Variants in GPR149 observed in about 807,000 individuals in gnomAD.
GPR149 encodes G protein-coupled receptor 149.
Under a neutral mutation model 50.2 loss-of-function variants are expected in GPR149, and 50 were observed. That is an observed-to-expected ratio of 1.00 (90% confidence interval 0.79 to 1.26). The LOEUF (loss-of-function observed/expected upper bound fraction) is 1.26. Ranked by LOEUF, GPR149 falls within the 50% of genes most tolerant of loss-of-function variation. The pLI is 0.00. For missense variants in GPR149, 983 were observed against 895.4 expected, an observed-to-expected ratio of 1.10 and a Z score of -1.25; for synonymous variants, 405 against 358.2, an observed-to-expected ratio of 1.13 and a Z score of -1.48.
intron 3 of GPR149, among the ~76,000 whole-genome samples, chr3:154,419,601 A>T (rs1316443082): frequency 6.6e-6 from 1 of 152,066 alleles, no homozygotes; most frequent in East Asian, 1.9e-4. Flanking sequence ...ATACAACAAA[A>T]AATATGAGTA....
At chr3:154,383,371 A>C (rs1280146208) in intron 3 of GPR149, among the ~76,000 whole-genome samples, 2 of 152,172 alleles carry the variant, frequency 1.3e-5, no homozygotes, top group African/African-American at 4.8e-5. Context: ...AAATGATTCA[A>C]GTTAGGTTTG....
chr3:154,372,533 T>C (rs1241851270), intron 3 of GPR149, among the ~76,000 whole-genome samples: 1 of 152,178 alleles, frequency 6.6e-6, no homozygotes, highest in African/African-American at 2.4e-5. Context: ...AAAGTAGATA[T>C]ACCAATATCT....
chr3:154,420,150 G>T (rs568431439), intron 3 of GPR149, among the ~76,000 whole-genome samples: 4 of 151,930 alleles, frequency 2.6e-5, no homozygotes, highest in African/African-American at 9.7e-5. Flanking sequence ...TCCTAGCAGT[G>T]TATTTATTTC....
intron 2 of GPR149, among the ~76,000 whole-genome samples, chr3:154,425,061 AAACAAC>A (rs985018214): frequency 1.3e-5 from 2 of 151,944 alleles, no homozygotes; most frequent in South Asian, 2.1e-4. Context: ...AAACAAAACA[AAACAAC>A]AACAACAACA....
At chr3:154,428,569 G>T in intron 1 of GPR149, 66 bp downstream of exon 1, 8 of 1,514,560 alleles carry the variant, frequency 5.3e-6, no homozygotes, top group South Asian at 2.6e-5. Context: ...CGGCGACGCC[G>T]GTCCCAACAC....
chr3:154,388,011 T>A (rs962996838), intron 3 of GPR149, among the ~76,000 whole-genome samples: 2 of 152,160 alleles, frequency 1.3e-5, no homozygotes, highest in Admixed American at 1.3e-4. Flanking sequence ...TGCCTCAATG[T>A]GCAGAGATAT....
Position 154,338,036 on chromosome 3 carries a change from T to C in GPR149, c.1859A>G (p.Glu620Gly). 6.2e-7 allele frequency: 1 copy of C among 1,614,182 alleles called. No homozygotes were observed. The highest frequency in any genetic ancestry group is 8.5e-7 in the Non-Finnish European group (1 of 1,180,028). The change falls in exon 4 of 4, where the codon GAG becomes GGG. Residue 620 changes from glutamate to glycine, a missense_variant. Transcript: ENST00000389740. The part of the protein sequence containing the change: ...FVDTSVKIHL[E>G]VLEICDNEEA... ...TTCATTATCACAAATTTCAAGAACC[T>C]CCAAGTGTATTTTCACACTGGTGTC...
In GPR149 at chr3:154,428,853, C is replaced by T. The variant is rs1456287144; in HGVS notation, c.763G>A (p.Asp255Asn). The T allele has an allele frequency of 1.9e-6, 3 of 1,613,810 alleles. No individual in the cohort carries two copies. The South Asian group carries it at 3.3e-5, about 18-fold the overall frequency. ...CGCCGCAGACTCGGGCCTGGAGCATCCTCTGGGGACAGGGAAACCACTCTC... is the reference window on the plus strand; with the variant it reads ...CGCCGCAGACTCGGGCCTGGAGCATTCTCTGGGGACAGGGAAACCACTCTC... ...AGRVVSLSPE[D>N]APGPSLRRSG... Residue 255 changes from aspartate to asparagine, a missense_variant, in exon 1 of 4, where the codon GAT (aspartate) becomes AAT (asparagine). By Grantham distance (23) the Asp-to-Asn change is conservative. Transcript: ENST00000389740.
rs199969685 is a variant in GPR149, at chr3:154,396,985, G to A, written c.1623+24054C>T. 5.9e-5 allele frequency among the ~76,000 whole-genome samples: 9 copies of A among 152,088 alleles called. No homozygotes were observed. In the East Asian group the frequency reaches 1.2e-3, roughly 20 times the overall value. ...GAAGGTATGACCTTGAGTTTAAAAT[G>A]TATAATAATGCCAGCCTTGTAACTT... On this transcript the variant is annotated intron_variant, in intron 3 of 3. Coordinates refer to ENST00000389740, the MANE Select transcript of GPR149 (RefSeq NM_001038705.3).
intron 3 of GPR149, among the ~76,000 whole-genome samples, chr3:154,367,977 C>A (rs188733293): frequency 1.4e-3 from 210 of 152,332 alleles, no homozygotes; most frequent in Non-Finnish European, 2.5e-3. Flanking sequence ...ACTAAAGACA[C>A]GGGTGTCAGG....
intron 3 of GPR149, among the ~76,000 whole-genome samples, chr3:154,418,454 G>C (rs1210180088): frequency 1.0e-4 from 10 of 99,936 alleles, no homozygotes; most frequent in African/African-American, 4.7e-4. Context: ...AGAAAATGTG[G>C]CACATATACA....
intron 3 of GPR149, among the ~76,000 whole-genome samples, chr3:154,395,461 T>C (rs1715268498): frequency 6.7e-6 from 1 of 148,260 alleles, no homozygotes; most frequent in Non-Finnish European, 1.5e-5. Flanking sequence ...TATATATATA[T>C]ATAATTTTAA....
At chr3:154,340,918 C>G (rs938356521) in intron 3 of GPR149, among the ~76,000 whole-genome samples, 3 of 152,096 alleles carry the variant, frequency 2.0e-5, no homozygotes, top group African/African-American at 7.2e-5. Context: ...GACAGGGTTT[C>G]ACTATGTTGG....
intron 3 of GPR149, among the ~76,000 whole-genome samples, chr3:154,387,609 C>A (rs899755482): frequency 1.3e-5 from 2 of 152,028 alleles, no homozygotes; most frequent in Admixed American, 1.3e-4. Context: ...AATTATTTCC[C>A]CAGTTCAATC....
At chr3:154,369,603 A>G (rs760755879) in intron 3 of GPR149, among the ~76,000 whole-genome samples, 13 of 152,220 alleles carry the variant, frequency 8.5e-5, no homozygotes, top group Non-Finnish European at 1.5e-4. Flanking sequence ...CCAGGCACCC[A>G]AACTATCTCC....
At chr3:154,388,871 A>AACACACACAC (rs58641317) in intron 3 of GPR149, among the ~76,000 whole-genome samples, 245 of 144,940 alleles carry the variant, frequency 1.7e-3, no homozygotes, top group African/African-American at 5.5e-3. Context: ...ACATATGAAA[A>AACACACACAC]ACACACACAC....
intron 3 of GPR149, among the ~76,000 whole-genome samples, chr3:154,404,870 T>TCAGCAGCAG (rs371581317): frequency 3.2e-5 from 3 of 92,482 alleles, no homozygotes; most frequent in East Asian, 3.2e-4. Flanking sequence ...ATCATCATCA[T>TCAGCAGCAG]CATCAGCAGC....
At chr3:154,412,102 A>C (rs147394507) in intron 3 of GPR149, among the ~76,000 whole-genome samples, 61 of 152,312 alleles carry the variant, frequency 4.0e-4, no homozygotes, top group African/African-American at 1.4e-3. Flanking sequence ...CAAAAATCAC[A>C]TAATCATCTC....
intron 2 of GPR149, among the ~76,000 whole-genome samples, chr3:154,422,234 A>T (rs1712167032): frequency 6.6e-6 from 1 of 151,652 alleles, no homozygotes; most frequent in Admixed American, 6.6e-5. Context: ...GTGAAATATG[A>T]TGAAATAATA....
Sources: allele counts gnomAD v4.1 joint callset (sites outside exome capture counted in the v4.1 genomes callset), GRCh38; gene constraint gnomAD v4.1.1; transcripts MANE v1.5; gene names NCBI Gene and HGNC (gene_info 2026-07-23, HGNC 2026-07-21).